The following CSNK1D variants were observed in gnomAD, a reference collection of about 807,000 sequenced individuals.
The protein encoded by CSNK1D is casein kinase 1 delta, also known as casein kinase I isoform delta.
In CSNK1D, 16 loss-of-function variants were observed where a neutral mutation model predicts 46.6. The ratio of observed to expected loss-of-function variants is 0.34; its 90% CI spans 0.23 to 0.52. CSNK1D has a LOEUF of 0.52. Ranked by LOEUF, CSNK1D falls within the 20% of genes least tolerant of loss-of-function variation. The pLI is 0.95. For missense variants in CSNK1D, 398 were observed against 578.4 expected, an observed-to-expected ratio of 0.69 and a Z score of 3.20; for synonymous variants, 276 against 228.2, an observed-to-expected ratio of 1.21 and a Z score of -1.89.
Position 82,244,385 on chromosome 17 carries a change from AAT to A in CSNK1D, c.*394_*395del, listed in dbSNP as rs1491192616. The A allele has an allele frequency of 8.7e-7, 1 of 1,146,706 alleles. No homozygotes were observed. Among genetic ancestry groups the A allele is most frequent in the Non-Finnish European group, 1.1e-6 (1 of 923,380 alleles). The allele number at this position is 1,146,706 out of a possible 1,614,324, so 71.0% of individuals were successfully genotyped here. On this transcript the variant is annotated 3_prime_UTR_variant, in exon 9 of 9. Transcript: ENST00000314028. Reference sequence around the variant, plus strand: ...GATTTTCTTTACACAGATTTAAGCCAATAATTTTTAGCAAAATGATACAAAAC... The same window carrying A: ...GATTTTCTTTACACAGATTTAAGCCAAATTTTTAGCAAAATGATACAAAAC...
In CSNK1D at chr17:82,244,485, G is replaced by A; in HGVS notation, c.*296C>T. 7.2e-7 allele frequency: 1 copy of A among 1,389,516 alleles called. No homozygotes were observed. The highest frequency in any genetic ancestry group is 9.4e-7 in the Non-Finnish European group (1 of 1,067,752). The allele number at this position is 1,389,516 out of a possible 1,614,324, so 86.1% of individuals were successfully genotyped here. ...AGTACAGGGCGGCCACCACTGGAGG[G>A]AGCTGAGGCCCTGGAAAAGGAGTCT... On this transcript the variant is annotated 3_prime_UTR_variant, in exon 9 of 9. Transcript: ENST00000314028.
chr17:82,246,435 T>C, intron 8 of CSNK1D: 1 of 1,169,030 alleles, frequency 8.6e-7, no homozygotes. Flanking sequence ...GGCCTAGTCC[T>C]GGGCAGGAGT....
downstream of CSNK1D, chr17:82,240,125 C>T: frequency 1.7e-6 from 2 of 1,190,368 alleles, no homozygotes; most frequent in Non-Finnish European, 2.1e-6. Flanking sequence ...CTGCCCCTGG[C>T]CTTGCGCCAG....
At position 82,247,848 on chromosome 17, in the gene CSNK1D, A is replaced by G. The variant is rs559278407; in HGVS notation, c.1197+1027T>C. Reference sequence around the variant, plus strand: ...TGGTCTCTTTGGGAAGAAGTTATACAAAAAGGTCTGTTTCTAGTGAAATTA... The same window carrying G: ...TGGTCTCTTTGGGAAGAAGTTATACGAAAAGGTCTGTTTCTAGTGAAATTA... On this transcript the variant is annotated intron_variant, in intron 8 of 8. Coordinates refer to ENST00000314028, the MANE Select transcript of CSNK1D (RefSeq NM_001893.6). The G allele has an allele frequency of 6.1e-6, 6 of 985,438 alleles. No individual in the cohort carries two copies. In the African/African-American group the frequency reaches 1.0e-4, roughly 17 times the overall value. The allele number at this position is 985,438 out of a possible 1,614,324, so 61.0% of individuals were successfully genotyped here. A position where few individuals can be genotyped will look rare whatever the true frequency, so the allele number is the denominator to read the frequency against.
intron 1 of CSNK1D, among the ~76,000 whole-genome samples, chr17:82,269,661 T>C (rs368818920): frequency 1.3e-5 from 2 of 152,340 alleles, no homozygotes; most frequent in South Asian, 2.1e-4. Context: ...GATTCATCTG[T>C]CCAGCCCACC....
chr17:82,245,117 C>T, intron 8 of CSNK1D: 1 of 579,172 alleles, frequency 1.7e-6, no homozygotes. Flanking sequence ...GACGGGTGCT[C>T]CTGCCTCCCT....
At chr17:82,268,072 C>A (rs757613673) in intron 1 of CSNK1D, among the ~76,000 whole-genome samples, 1 of 152,250 alleles carries the variant, frequency 6.6e-6, no homozygotes, top group African/African-American at 2.4e-5. Flanking sequence ...GCACACAGAG[C>A]CAGCCCTCCT....
intron 8 of CSNK1D, chr17:82,247,104 C>T: frequency 1.0e-6 from 1 of 985,480 alleles, no homozygotes; most frequent in Non-Finnish European, 1.2e-6. Flanking sequence ...CCCAGGGTGT[C>T]CAGGAGCAGA....
intron 8 of CSNK1D, chr17:82,247,845 T>C (rs1016620064): frequency 4.7e-5 from 46 of 985,290 alleles, no homozygotes; most frequent in Non-Finnish European, 5.5e-5. Context: ...GAAGAAGTTA[T>C]ACAAAAAGGT....
At chr17:82,242,351 C>A (rs1361388083), downstream of CSNK1D, among the ~76,000 whole-genome samples, 1 of 152,206 alleles carries the variant, frequency 6.6e-6, no homozygotes, top group Non-Finnish European at 1.5e-5. Context: ...CATGCGCTCA[C>A]CCCAGGCGGC....
In CSNK1D at chr17:82,250,345, G is replaced by C. The variant is rs569546168; in HGVS notation, c.886-743C>G. 3.7e-6 allele frequency: 2 copies of C among 539,592 alleles called. No homozygotes were observed. The highest frequency in any genetic ancestry group is 3.4e-5 in the South Asian group (2 of 58,176). The allele number at this position is 539,592 out of a possible 1,614,324, so 33.4% of individuals were successfully genotyped here. ...CCGACACACCTGCGGCTGCAGCACC[G>C]TGCGGCCAGCACCGCCCAGACTCCT... On this transcript the variant is annotated intron_variant, in intron 6 of 8. Transcript: ENST00000314028. The surrounding 1 kb of genome is among the most constrained non-coding windows in gnomAD (Gnocchi z 4.6).
intron 3 of CSNK1D, 127 bp from the exon 4 acceptor site, chr17:82,253,371 A>G: frequency 2.4e-6 from 2 of 841,890 alleles, no homozygotes; most frequent in Non-Finnish European, 4.1e-6. Context: ...GTAGTTTAAC[A>G]ATTAGCGAGG....
chr17:82,250,153 G>A lies in CSNK1D; in HGVS notation c.886-551C>T. The A allele has an allele frequency of 3.1e-6, 4 of 1,290,220 alleles. No individual in the cohort carries two copies. In the South Asian group the frequency reaches 4.9e-5, roughly 16 times the overall value. The allele number at this position is 1,290,220 out of a possible 1,614,324, so 79.9% of individuals were successfully genotyped here. A position where few individuals can be genotyped will look rare whatever the true frequency, so the allele number is the denominator to read the frequency against. ...CTATCCAGATGCACGGGGGTGGGGA[G>A]GTCAGATTTTAAGCCGAGACAGCAA... On this transcript the variant is annotated intron_variant, in intron 6 of 8. Coordinates refer to ENST00000314028, the MANE Select transcript of CSNK1D (RefSeq NM_001893.6). The surrounding 1 kb of genome is among the most constrained non-coding windows in gnomAD (Gnocchi z 4.6).
chr17:82,255,522 C>G lies in CSNK1D; in HGVS notation c.243G>C (p.Val81=), dbSNP rs1319342156. Reference sequence around the variant, plus strand: ...CCAGGCTTGGCCCCAGCAGCTCCATCACCATGACGTTGTAGTCCCCCTCTG... The same window carrying G: ...CCAGGCTTGGCCCCAGCAGCTCCATGACCATGACGTTGTAGTCCCCCTCTG... ...CGAEGDYNVM[V]MELLGPSLED... The change falls in exon 3 of 9, where the codon GTG becomes GTC. Residue 81 remains valine, a synonymous_variant. Transcript: ENST00000314028. The surrounding 1 kb of genome is among the most constrained non-coding windows in gnomAD (Gnocchi z 5.9). The G allele has an allele frequency of 1.2e-6, 2 of 1,614,034 alleles. No homozygotes were observed. Among genetic ancestry groups the G allele is most frequent in the Non-Finnish European group, 1.7e-6 (2 of 1,180,030 alleles).
chr17:82,239,141 G>A (rs1036172586), downstream of CSNK1D: 4 of 644,984 alleles, frequency 6.2e-6, no homozygotes, highest in African/African-American at 7.4e-5. Context: ...AGGTGGCGGG[G>A]TGGGAACCGT....
At chr17:82,265,590 A>G in intron 2 of CSNK1D, 96 bp downstream of exon 2, 2 of 976,804 alleles carry the variant, frequency 2.0e-6, no homozygotes, top group Admixed American at 1.7e-5. Flanking sequence ...TTTGCCCAGA[A>G]CCAGTTTTGG....
intron 2 of CSNK1D, among the ~76,000 whole-genome samples, chr17:82,261,571 G>A (rs929633002): frequency 6.6e-6 from 1 of 152,092 alleles, no homozygotes; most frequent in Non-Finnish European, 1.5e-5. Context: ...TAACTAAAAT[G>A]TTTCTAGATA....
downstream of CSNK1D, among the ~76,000 whole-genome samples, chr17:82,241,321 C>G (rs1190871847): frequency 6.6e-6 from 1 of 152,352 alleles, no homozygotes; most frequent in African/African-American, 2.4e-5. Flanking sequence ...TGCCGTCCCT[C>G]AGCCTTCCGA....
intron 1 of CSNK1D, among the ~76,000 whole-genome samples, chr17:82,271,705 T>C (rs1383004458): frequency 6.6e-6 from 1 of 152,244 alleles, no homozygotes; most frequent in Admixed American, 6.5e-5. Flanking sequence ...GCCACCCATA[T>C]GTGTGGATTC....
Sources: gnomAD v4.1 joint callset for allele counts (sites outside exome capture counted in the v4.1 genomes callset) on GRCh38, gnomAD v4.1.1 for gene constraint, Gnocchi (gnomAD v3.1) non-coding constraint, MANE v1.5 for transcripts, NCBI Gene and HGNC (gene_info 2026-07-23, HGNC 2026-07-21) for gene names.